The following SCCPDH variants were observed in gnomAD, a reference collection of about 807,000 sequenced individuals.
The protein encoded by SCCPDH is saccharopine dehydrogenase-like oxidoreductase.
In SCCPDH, 34 loss-of-function variants were observed where a neutral mutation model predicts 51.5. The ratio of observed to expected loss-of-function variants is 0.66; its 90% CI spans 0.50 to 0.88. The LOEUF is 0.88. SCCPDH is among the 40% of genes least tolerant of loss of function. SCCPDH has a pLI of 0.00. For missense variants in SCCPDH, 464 were observed against 527.1 expected (o/e 0.88, Z 1.17); for synonymous variants, 187 against 191.3 (o/e 0.98, Z 0.19).
rs777168702 is a variant in SCCPDH at position 246,766,096 on chromosome 1, G to A, written c.1141G>A (p.Ala381Thr). 8.1e-6 allele frequency: 13 copies of A among 1,613,456 alleles called. No homozygotes were observed. Among genetic ancestry groups the A allele is most frequent in the Non-Finnish European group, 1.1e-5 (13 of 1,179,752 alleles). Residue 381 changes from alanine to threonine, a missense_variant, in exon 11 of 12, where the codon GCA (alanine) becomes ACA (threonine). Physicochemically the swap from Ala to Thr is moderately conservative, Grantham distance 58. Coordinates refer to ENST00000366510, the MANE Select transcript of SCCPDH (RefSeq NM_016002.3). ...YVATPIAMVQ[A>T]AMTLLSDASH... is the part of the protein sequence containing the mutation. ...GGCTACCCCCATAGCTATGGTTCAG[G>A]CAGCCATGACTCTTCTAAGTGATGC...
rs557099414 is a variant in SCCPDH, at chr1:246,751,635, A to T, written c.565-6591A>T. Among the ~76,000 whole-genome samples the T allele has an allele frequency of 2.6e-5, 4 of 152,290 alleles. No homozygotes were observed. The South Asian group carries it at 8.3e-4, about 32-fold the overall frequency. On this transcript the variant is annotated intron_variant, in intron 5 of 11. Coordinates refer to ENST00000366510, the MANE Select transcript of SCCPDH (RefSeq NM_016002.3). ...TTTCTTGCATAAATTCCCTTTTATA[A>T]CATTTTTCACGACTTTCACAGACGA...
Position 246,740,166 on chromosome 1 carries a change from T to C in SCCPDH, c.385-6T>C. 1 of 1,564,960 alleles carries C rather than the reference T, an allele frequency of 6.4e-7. No homozygotes were observed. On this transcript the variant is annotated splice_polypyrimidine_tract_variant and splice_region_variant and intron_variant, in intron 3 of 11. Transcript: ENST00000366510. ...CTAATTAAAATTCTTATCCTGGATT[T>C]TTTAGTTTCTGGAACTAATGCAACT...
intron 9 of SCCPDH, among the ~76,000 whole-genome samples, chr1:246,763,417 T>C (rs966834422): frequency 6.6e-6 from 1 of 152,208 alleles, no homozygotes; most frequent in Non-Finnish European, 1.5e-5. Context: ...TTGTATGTTC[T>C]GGAAAGGCTA....
At chr1:246,731,580 C>T (rs1383202417) in intron 2 of SCCPDH, among the ~76,000 whole-genome samples, 1 of 152,182 alleles carries the variant, frequency 6.6e-6, no homozygotes, top group Non-Finnish European at 1.5e-5. Context: ...GAAGAAGCAG[C>T]ATGCTTGGGG....
At chr1:246,744,736 G>A (rs552974952) in intron 5 of SCCPDH, among the ~76,000 whole-genome samples, 2 of 151,404 alleles carry the variant, frequency 1.3e-5, no homozygotes, top group African/African-American at 2.4e-5. Context: ...TGCCTTAGCC[G>A]CCTGAGTACC....
chr1:246,738,134 T>G (rs543260838), intron 3 of SCCPDH, among the ~76,000 whole-genome samples: 123 of 152,170 alleles, frequency 8.1e-4, no homozygotes, highest in Middle Eastern at 3.4e-3. Context: ...AGTTGGAGGT[T>G]GCAGTAAGCC....
intron 5 of SCCPDH, chr1:246,755,437 A>G (rs1668916086): frequency 6.6e-6 from 1 of 152,228 alleles, no homozygotes. Flanking sequence ...CATATGGTAA[A>G]GGGGCTTTTC....
Position 246,759,033 on chromosome 1 carries a change from G to A in SCCPDH, c.696-1G>A. On this transcript the variant is annotated splice_acceptor_variant, in intron 6 of 11. Transcript: ENST00000366510. LOFTEE classifies it high-confidence loss of function. ...AAAATATTCATAGGTCTGTCTTGCA[G>A]GTGGCCAATTTCTTATTGTCGGGAA... The A allele has an allele frequency of 3.9e-6, 6 of 1,539,346 alleles. No homozygotes were observed. The highest frequency in any genetic ancestry group is 5.4e-6 in the Non-Finnish European group (6 of 1,112,298).
intron 3 of SCCPDH, among the ~76,000 whole-genome samples, chr1:246,737,821 GCCTCAAGTGAT>G (rs1668620189): frequency 2.6e-5 from 4 of 152,152 alleles, no homozygotes; most frequent in South Asian, 4.2e-4. Flanking sequence ...TGAACTCCTG[GCCTCAAGTGAT>G]CCACCTGCAT....
intron 1 of SCCPDH, among the ~76,000 whole-genome samples, chr1:246,724,913 C>G (rs1668368762): frequency 6.6e-6 from 1 of 152,028 alleles, no homozygotes; most frequent in Non-Finnish European, 1.5e-5. Flanking sequence ...GCGAAATGGT[C>G]AAGAACTTGA....
At chr1:246,755,967 C>T (rs1006389347) in intron 5 of SCCPDH, 3 of 152,166 alleles carry the variant, frequency 2.0e-5, no homozygotes, top group East Asian at 3.8e-4. Context: ...TGGATTCATA[C>T]TTTTGCACCC....
chr1:246,725,941 T>G (rs1668390937), intron 1 of SCCPDH, among the ~76,000 whole-genome samples: 1 of 152,188 alleles, frequency 6.6e-6, no homozygotes, highest in East Asian at 1.9e-4. Flanking sequence ...AGAGTTCTAA[T>G]TTTTTGTTTT....
chr1:246,758,677 A>G (rs575622468), intron 6 of SCCPDH, among the ~76,000 whole-genome samples: 99 of 152,348 alleles, frequency 6.5e-4, no homozygotes, highest in Non-Finnish European at 1.1e-3. Flanking sequence ...CACTATCAAT[A>G]TAGAAATTAA....
intron 4 of SCCPDH, among the ~76,000 whole-genome samples, chr1:246,741,513 G>C (rs562640762): frequency 4.3e-4 from 65 of 152,004 alleles, no homozygotes; most frequent in African/African-American, 1.5e-3. Flanking sequence ...GCCCAGTTTG[G>C]TCTTGAACTC....
Position 246,767,346 on chromosome 1 carries a change from C to A in SCCPDH, c.*46C>A. 1.8e-6 allele frequency: 2 copies of A among 1,122,784 alleles called. No homozygotes were observed. The highest frequency in any genetic ancestry group is 1.7e-5 in the South Asian group (1 of 58,210). The allele number at this position is 1,122,784 out of a possible 1,614,324, so 69.6% of individuals were successfully genotyped here. A position where few individuals can be genotyped will look rare whatever the true frequency, so the allele number is the denominator to read the frequency against. ...AGTCATAACGTGCGTGAATTAACAG[C>A]TTCTCTATTTGATATTTGAAATTCT... On this transcript the variant is annotated 3_prime_UTR_variant, in exon 12 of 12. Transcript: ENST00000366510.
chr1:246,740,350 A>C (rs772443321), intron 4 of SCCPDH, 49 bp downstream of exon 4: 4 of 1,466,532 alleles, frequency 2.7e-6, no homozygotes, highest in Non-Finnish European at 3.7e-6. Context: ...TACCGTGCAA[A>C]GGCTTCATGT....
intron 5 of SCCPDH, among the ~76,000 whole-genome samples, chr1:246,757,844 G>A (rs535310987): frequency 1.3e-5 from 2 of 152,040 alleles, no homozygotes; most frequent in African/African-American, 4.8e-5. Flanking sequence ...ATTTGTGTAG[G>A]ATCGAGAGAG....
intron 10 of SCCPDH, among the ~76,000 whole-genome samples, chr1:246,764,866 C>T (rs550558179): frequency 6.6e-6 from 1 of 152,360 alleles, no homozygotes; most frequent in South Asian, 2.1e-4. Context: ...CAGAGACAGA[C>T]AGGTCCACTT....
Position 246,724,534 on chromosome 1 carries a change from T to A in SCCPDH, c.112T>A (p.Ser38Thr). 1 of 1,540,962 alleles carries A rather than the reference T, an allele frequency of 6.5e-7. No homozygotes were observed. ...GGAGCAGGTGGACCCGGAGCGGAGCTCCCGCCTGCCCTGGGCCGTGGCGGG... is the reference window on the plus strand; with the variant it reads ...GGAGCAGGTGGACCCGGAGCGGAGCACCCGCCTGCCCTGGGCCGTGGCGGG... ...AREQVDPERSSRLPWAVAGRS... is the reference protein window; with the variant it reads ...AREQVDPERSTRLPWAVAGRS... Residue 38 changes from serine to threonine, a missense_variant, in exon 1 of 12, where the codon TCC (serine) becomes ACC (threonine). Physicochemically the swap from Ser to Thr is moderately conservative, Grantham distance 58. Transcript: ENST00000366510.
Sources: gnomAD v4.1 joint callset for allele counts (sites outside exome capture counted in the v4.1 genomes callset) on GRCh38, gnomAD v4.1.1 for gene constraint, MANE v1.5 for transcripts, NCBI Gene and HGNC (gene_info 2026-07-23, HGNC 2026-07-21) for gene names.